The following GRIK2 variants were observed in gnomAD, a reference collection of about 807,000 sequenced individuals.
GRIK2 encodes glutamate receptor ionotropic, kainate 2.
In GRIK2, 32 loss-of-function variants were observed where a neutral mutation model predicts 100.3. That is an observed-to-expected ratio of 0.32 (90% confidence interval 0.24 to 0.43). The LOEUF is 0.43. GRIK2 is among the 20% of genes least tolerant of loss of function. The pLI, the probability that GRIK2 is intolerant of heterozygous loss-of-function variation, is 1.00. For synonymous variants in GRIK2, 417 were observed against 389.4 expected (o/e 1.07, Z -0.83); for missense variants, 843 against 1,114.9 (o/e 0.76, Z 3.47).
At chr6:101,442,421 C>T (rs1770120462) in intron 2 of GRIK2, among the ~76,000 whole-genome samples, 1 of 132,470 alleles carries the variant, frequency 7.5e-6, no homozygotes, top group Non-Finnish European at 1.7e-5. Flanking sequence ...GGTTTCACCC[C>T]ATCCTGCCAG....
intron 7 of GRIK2, among the ~76,000 whole-genome samples, chr6:101,718,112 A>T (rs2128363170): frequency 6.6e-6 from 1 of 151,970 alleles, no homozygotes; most frequent in Non-Finnish European, 1.5e-5. Context: ...TTTATTCATT[A>T]AAATGTAATA....
chr6:101,890,120 C>T (rs1290084674), intron 12 of GRIK2: 1 of 310,668 alleles, frequency 3.2e-6, no homozygotes, highest in Non-Finnish European at 5.8e-6. Flanking sequence ...AATATAAAAG[C>T]TTTTTAAATC....
chr6:101,712,572 A>T (rs1310725798), intron 7 of GRIK2, among the ~76,000 whole-genome samples: 1 of 151,768 alleles, frequency 6.6e-6, no homozygotes, highest in African/African-American at 2.4e-5. Context: ...TACGTATTTT[A>T]TTTTTTTCTA....
intron 2 of GRIK2, among the ~76,000 whole-genome samples, chr6:101,523,718 G>GTGTTTTTTTT (rs1562199711): frequency 7.9e-6 from 1 of 125,950 alleles, no homozygotes. Context: ...TGACTCCTAA[G>GTGTTTTTTTT]TCTTTTTTTT....
Position 101,509,790 on chromosome 6 carries a change from G to C in GRIK2, c.115+110398G>C, listed in dbSNP as rs184532328. On this transcript the variant is annotated intron_variant, in intron 2 of 16. Transcript: ENST00000369134. Reference sequence around the variant, plus strand: ...TGATATTTGGATTATTCACAAATTGGTATTTTCTGCTCTCTTACTTTGCTT... The same window carrying C: ...TGATATTTGGATTATTCACAAATTGCTATTTTCTGCTCTCTTACTTTGCTT... Among the ~76,000 whole-genome samples, 512 of 152,230 alleles carry C rather than the reference G, an allele frequency of 3.4e-3. 2 individuals carry two copies. The highest frequency in any genetic ancestry group is 5.9e-3 in the Non-Finnish European group (403 of 68,012).
intron 14 of GRIK2, among the ~76,000 whole-genome samples, chr6:101,975,789 G>GTCTGTCTGTCTATCTA (rs1793327624): frequency 1.1e-5 from 1 of 91,884 alleles, no homozygotes; most frequent in African/African-American, 3.7e-5. Context: ...CTGTCTGTCT[G>GTCTGTCTGTCTATCTA]TCTGTCTATC....
intron 4 of GRIK2, among the ~76,000 whole-genome samples, chr6:101,666,179 T>A (rs1057109721): frequency 6.6e-6 from 1 of 152,162 alleles, no homozygotes; most frequent in Non-Finnish European, 1.5e-5. Context: ...ATACAATTTA[T>A]AGCAGCAAAA....
At chr6:101,955,463 G>A (rs1005056082) in intron 14 of GRIK2, among the ~76,000 whole-genome samples, 2 of 151,754 alleles carry the variant, frequency 1.3e-5, no homozygotes, top group Admixed American at 1.3e-4. Context: ...GCTACCATAG[G>A]CAACAAAGTG....
chr6:101,901,001 G>T (rs2518207), intron 12 of GRIK2, among the ~76,000 whole-genome samples: 17,854 of 151,516 alleles, frequency 0.12, 1,125 homozygotes, highest in Middle Eastern at 0.21. Flanking sequence ...CCTGAAGTCT[G>T]TTAATTCTGG....
chr6:101,789,005 CT>C (rs1231796731), intron 7 of GRIK2, among the ~76,000 whole-genome samples: 2 of 151,960 alleles, frequency 1.3e-5, no homozygotes, highest in Non-Finnish European at 2.9e-5. Flanking sequence ...GCATAAATGT[CT>C]TTTTTTGAGA....
chr6:101,752,004 C>A (rs77314356), intron 7 of GRIK2, among the ~76,000 whole-genome samples: 11 of 152,030 alleles, frequency 7.2e-5, no homozygotes, highest in Non-Finnish European at 1.0e-4. Context: ...AAAAGAAAAA[C>A]CTTCCCTATG....
At chr6:101,778,901 C>T (rs1370049546) in intron 7 of GRIK2, among the ~76,000 whole-genome samples, 1 of 152,008 alleles carries the variant, frequency 6.6e-6, no homozygotes, top group Non-Finnish European at 1.5e-5. Flanking sequence ...ACATTGGTAG[C>T]TTGGTAATTA....
At chr6:101,754,793 G>A (rs909263166) in intron 7 of GRIK2, among the ~76,000 whole-genome samples, 1 of 152,180 alleles carries the variant, frequency 6.6e-6, no homozygotes, top group African/African-American at 2.4e-5. Context: ...GAAACGATAT[G>A]TGCAATGGCT....
At chr6:101,616,038 G>C (rs557267624) in intron 2 of GRIK2, among the ~76,000 whole-genome samples, 49 of 151,766 alleles carry the variant, frequency 3.2e-4, no homozygotes, top group Admixed American at 1.3e-3. Context: ...TCCTCCCCTA[G>C]GCTTAGCCTA....
At chr6:101,438,711 A>C (rs1769876267) in intron 2 of GRIK2, among the ~76,000 whole-genome samples, 1 of 152,172 alleles carries the variant, frequency 6.6e-6, no homozygotes, top group Non-Finnish European at 1.5e-5. Flanking sequence ...TTTCAAAGTG[A>C]CATGTCAAGT....
intron 16 of GRIK2, among the ~76,000 whole-genome samples, chr6:102,058,954 T>G (rs956991463): frequency 6.6e-6 from 1 of 151,302 alleles, no homozygotes; most frequent in African/African-American, 2.4e-5. Flanking sequence ...CTTTCCATAT[T>G]AAGTCTTACT....
At chr6:101,763,841 GT>G (rs200924339) in intron 7 of GRIK2, among the ~76,000 whole-genome samples, 4 of 146,244 alleles carry the variant, frequency 2.7e-5, no homozygotes, top group Admixed American at 6.8e-5. Context: ...TTGTTTTTTT[GT>G]TTTTTTTTCC....
At chr6:101,760,820 T>A (rs1358360658) in intron 7 of GRIK2, among the ~76,000 whole-genome samples, 1 of 146,864 alleles carries the variant, frequency 6.8e-6, no homozygotes, top group African/African-American at 2.5e-5. Flanking sequence ...TATGTTGAGA[T>A]TTTTGCTTAT....
chr6:101,534,863 T>TC (rs1775612081), intron 2 of GRIK2, among the ~76,000 whole-genome samples: 1 of 151,720 alleles, frequency 6.6e-6, no homozygotes, highest in East Asian at 1.9e-4. Flanking sequence ...TTTTCTTTCC[T>TC]CTTTTTTTTT....
Sources: gnomAD v4.1 joint callset for allele counts (sites outside exome capture counted in the v4.1 genomes callset) on GRCh38, gnomAD v4.1.1 for gene constraint, MANE v1.5 for transcripts, NCBI Gene and HGNC (gene_info 2026-07-23, HGNC 2026-07-21) for gene names.